Variants in PTK2 observed in about 807,000 individuals in gnomAD.
The protein encoded by PTK2 is protein tyrosine kinase 2.
A neutral mutation model predicts 150.1 loss-of-function variants in PTK2; 45 were observed. That is an observed-to-expected ratio of 0.30 (90% CI 0.24 to 0.38). The LOEUF (loss-of-function observed/expected upper bound fraction) is 0.38. Ranked by LOEUF, PTK2 falls within the 10% of genes least tolerant of loss-of-function variation. The probability of loss-of-function intolerance (pLI) is 1.00; values close to 1 mark genes in which losing one functional copy is unlikely to be tolerated. For synonymous variants in PTK2, 432 were observed against 449.2 expected (o/e 0.96, Z 0.48); for missense variants, 919 against 1,307.3 (o/e 0.70, Z 4.58).
chr8:140,868,157 G>T (rs2154606280), intron 4 of PTK2, among the ~76,000 whole-genome samples: 1 of 152,198 alleles, frequency 6.6e-6, no homozygotes, highest in Admixed American at 6.5e-5. Flanking sequence ...ACCAACTGAG[G>T]ATAAGGAGGG....
At chr8:140,858,413 T>C (rs544119887) in intron 5 of PTK2, among the ~76,000 whole-genome samples, 1 of 122,818 alleles carries the variant, frequency 8.1e-6, no homozygotes, top group South Asian at 2.8e-4. Flanking sequence ...ATGACACAGA[T>C]CAAGCAAGGG....
intron 2 of PTK2, among the ~76,000 whole-genome samples, chr8:140,918,687 C>A (rs2154608202): frequency 6.6e-6 from 1 of 152,230 alleles, no homozygotes; most frequent in Admixed American, 6.5e-5. Context: ...ATATAGTCTG[C>A]TCTATTATTT....
At chr8:140,852,073 T>C (rs1049709584) in intron 5 of PTK2, among the ~76,000 whole-genome samples, 51 of 152,168 alleles carry the variant, frequency 3.4e-4, no homozygotes, top group Admixed American at 2.0e-3. Flanking sequence ...ATAAATCTCA[T>C]CTAAAAGTTT....
chr8:140,879,768 T>C (rs2100148142), intron 3 of PTK2, 131 bp from the exon 4 acceptor site: 2 of 717,012 alleles, frequency 2.8e-6, no homozygotes, highest in Non-Finnish European at 4.0e-6. Context: ...TGTTCATTTC[T>C]TTTAGTCAAT....
chr8:140,782,891 A>T (rs1055574821), intron 14 of PTK2, among the ~76,000 whole-genome samples: 2 of 151,912 alleles, frequency 1.3e-5, no homozygotes, highest in African/African-American at 4.8e-5. Context: ...TCACACGCAA[A>T]CTCTTTCAAA....
intron 1 of PTK2, among the ~76,000 whole-genome samples, chr8:140,961,945 T>C (rs1045391937): frequency 1.3e-5 from 2 of 152,066 alleles, no homozygotes; most frequent in African/African-American, 2.4e-5. Context: ...TTTATTGAGT[T>C]AGTATCTTTA....
chr8:140,898,035 C>G (rs181580491), intron 2 of PTK2, among the ~76,000 whole-genome samples: 78 of 152,272 alleles, frequency 5.1e-4, no homozygotes, highest in Middle Eastern at 3.4e-3. Context: ...ACTGTTTTTA[C>G]GTGGCTTAGG....
chr8:140,989,212 TA>T (rs71310816), intron 1 of PTK2, among the ~76,000 whole-genome samples: 24,391 of 58,936 alleles, frequency 0.41, 3,580 homozygotes, highest in Middle Eastern at 0.5. Context: ...ACCCTGTCTC[TA>T]AAAAAAAAAA....
chr8:140,828,431 G>A (rs529894145), intron 8 of PTK2, among the ~76,000 whole-genome samples: 10 of 152,164 alleles, frequency 6.6e-5, no homozygotes, highest in African/African-American at 2.4e-4. Context: ...TTTGAATATG[G>A]GGATCCTTTA....
intron 23 of PTK2, among the ~76,000 whole-genome samples, chr8:140,713,701 T>C (rs1013474188): frequency 2.0e-5 from 3 of 152,090 alleles, no homozygotes; most frequent in Non-Finnish European, 4.4e-5. Flanking sequence ...CAGATGAAAA[T>C]GAGCATTTAA....
chr8:140,752,647 T>TA, intron 16 of PTK2, among the ~76,000 whole-genome samples: 1 of 152,224 alleles, frequency 6.6e-6, no homozygotes, highest in Non-Finnish European at 1.5e-5. Flanking sequence ...CTGTCACACT[T>TA]ACACTCCAGT....
At chr8:140,822,973 T>C (rs1396585916) in intron 8 of PTK2, among the ~76,000 whole-genome samples, 1 of 152,210 alleles carries the variant, frequency 6.6e-6, no homozygotes, top group African/African-American at 2.4e-5. Flanking sequence ...ACTTCTATCA[T>C]AGAACATGCT....
At chr8:140,890,449 TA>T in intron 3 of PTK2, 93 bp downstream of exon 3, 1 of 1,074,684 alleles carries the variant, frequency 9.3e-7, no homozygotes. Context: ...CCCGATAAGT[TA>T]AATAAAAATT....
rs566357763 is a variant in PTK2 at position 140,838,663 on chromosome 8, T to A, written c.593+7597A>T. 1.6e-4 allele frequency among the ~76,000 whole-genome samples: 24 copies of A among 152,240 alleles called. 1 individual carries two copies. The South Asian group carries it at 4.8e-3, about 30-fold the overall frequency. On this transcript the variant is annotated intron_variant, in intron 7 of 31. Transcript: ENST00000522684. The stretch of plus-strand genomic sequence containing the variant: ...TTTCAAGAACAAGGGTGAAATTTTT[T>A]AAAAAGAGACAGATTTAAAAACAGA...
At chr8:140,920,579 A>G (rs1456115772) in intron 2 of PTK2, among the ~76,000 whole-genome samples, 1 of 152,234 alleles carries the variant, frequency 6.6e-6, no homozygotes, top group Non-Finnish European at 1.5e-5. Context: ...GAGCATTAAA[A>G]GATAGCTTAA....
chr8:140,964,945 A>G (rs2100184718), intron 1 of PTK2, among the ~76,000 whole-genome samples: 1 of 152,202 alleles, frequency 6.6e-6, no homozygotes, highest in African/African-American at 2.4e-5. Flanking sequence ...TCCAAAAGAC[A>G]GAACATTCAC....
chr8:140,905,758 C>G (rs2100160627), intron 2 of PTK2, among the ~76,000 whole-genome samples: 1 of 152,086 alleles, frequency 6.6e-6, no homozygotes, highest in Non-Finnish European at 1.5e-5. Flanking sequence ...CTAAAGTTGA[C>G]AACATAATTG....
rs112503253 is a variant in PTK2, at chr8:140,894,747, TG to T, written c.-32-3979del. On this transcript the variant is annotated intron_variant, in intron 2 of 31. Transcript: ENST00000522684. The stretch of plus-strand genomic sequence containing the variant: ...AGTAGAAATGGGAGTCCATTGAGAC[TG>T]GTTACACATGGGAGAGGTGTGACCA... 5.1e-3 allele frequency among the ~76,000 whole-genome samples: 782 copies of T among 152,336 alleles called. 8 individuals carry two copies. Among genetic ancestry groups the T allele is most frequent in the African/African-American group, 0.017 (725 of 41,574 alleles).
chr8:140,927,934 CAAAAAGAAAAAAAA>C (rs1355137304), intron 1 of PTK2, among the ~76,000 whole-genome samples: 6 of 28,300 alleles, frequency 2.1e-4, no homozygotes, highest in African/African-American at 6.9e-4. Flanking sequence ...AACTCCATCT[CAAAAAGAAAAAAAA>C]AAAAAAAAAG....
Sources: allele counts gnomAD v4.1 joint callset (sites outside exome capture counted in the v4.1 genomes callset), GRCh38; gene constraint gnomAD v4.1.1; transcripts MANE v1.5; gene names NCBI Gene and HGNC (gene_info 2026-07-23, HGNC 2026-07-21).